LINGO2: variants seen among roughly 807,000 people sequenced by gnomAD.
LINGO2 encodes the protein leucine rich repeat and Ig domain containing 2.
In LINGO2, 14 loss-of-function variants were observed where a neutral mutation model predicts 30.6. The observed-to-expected ratio is 0.46, with a 90% CI of 0.30 to 0.72. The LOEUF (loss-of-function observed/expected upper bound fraction) is 0.72. Ranked by LOEUF, LINGO2 falls within the 30% of genes least tolerant of loss-of-function variation. The pLI, the probability that LINGO2 is intolerant of heterozygous loss-of-function variation, is 0.07. For synonymous variants in LINGO2, 317 were observed against 288.5 expected (o/e 1.10, Z -1.00); for missense variants, 729 against 751.7 (o/e 0.97, Z 0.35).
chr9:28,288,434 T>C (rs763292624), intron 4 of LINGO2, among the ~76,000 whole-genome samples: 2 of 152,210 alleles, frequency 1.3e-5, no homozygotes, highest in Non-Finnish European at 2.9e-5. Flanking sequence ...CTAACAGTTT[T>C]AACAGTCCTT....
At chr9:28,604,570 G>A (rs541775404) in intron 1 of LINGO2, among the ~76,000 whole-genome samples, 1 of 152,064 alleles carries the variant, frequency 6.6e-6, no homozygotes, top group Non-Finnish European at 1.5e-5. Context: ...AGGAAAAAGG[G>A]TGGGAAGTAT....
At chr9:28,947,785 G>A in the LINGO2 span, among the ~76,000 whole-genome samples, 1 of 151,188 alleles carries the variant, frequency 6.6e-6, no homozygotes, top group Non-Finnish European at 1.5e-5. Context: ...GTATGAAATT[G>A]GACCAACATA....
intron 1 of LINGO2, among the ~76,000 whole-genome samples, chr9:28,489,154 C>A (rs1376519787): frequency 6.6e-6 from 1 of 152,134 alleles, no homozygotes; most frequent in Non-Finnish European, 1.5e-5. Flanking sequence ...TTCCAGAATA[C>A]TGACTGAGCA....
chr9:28,732,644 A>C, the LINGO2 span, among the ~76,000 whole-genome samples: 3 of 152,324 alleles, frequency 2.0e-5, no homozygotes, highest in East Asian at 5.8e-4. Flanking sequence ...TATAATTAAA[A>C]ATCAAAATTC....
chr9:28,476,492 G>C (rs1046266235), intron 1 of LINGO2, among the ~76,000 whole-genome samples: 7 of 152,138 alleles, frequency 4.6e-5, no homozygotes, highest in African/African-American at 1.2e-4. Flanking sequence ...AGCCAGGATG[G>C]TCTCGATCTC....
the LINGO2 span, among the ~76,000 whole-genome samples, chr9:28,786,687 G>C: frequency 1.3e-5 from 2 of 152,030 alleles, no homozygotes; most frequent in African/African-American, 4.8e-5. Context: ...ACTACTGTCT[G>C]TCCTCACTCA....
chr9:28,705,237 T>C, the LINGO2 span, among the ~76,000 whole-genome samples: 1 of 152,152 alleles, frequency 6.6e-6, no homozygotes, highest in Non-Finnish European at 1.5e-5. Flanking sequence ...CTTTTCTTGA[T>C]AGACAGATAT....
chr9:28,861,099 A>C, the LINGO2 span, among the ~76,000 whole-genome samples: 2 of 120,578 alleles, frequency 1.7e-5, no homozygotes, highest in East Asian at 2.1e-4. Context: ...AATTATATAA[A>C]TATATAAAAT....
chr9:28,856,024 G>C, the LINGO2 span, among the ~76,000 whole-genome samples: 9 of 152,022 alleles, frequency 5.9e-5, no homozygotes, highest in South Asian at 6.2e-4. Flanking sequence ...TCATAAGATG[G>C]TTATTTGGAG....
chr9:28,232,490 C>T (rs762766719), intron 4 of LINGO2, among the ~76,000 whole-genome samples: 6 of 149,890 alleles, frequency 4.0e-5, no homozygotes, highest in South Asian at 4.2e-4. Flanking sequence ...GTAAAACTGT[C>T]GAAGTTAGAT....
chr9:28,250,438 A>G (rs975852659), intron 4 of LINGO2, among the ~76,000 whole-genome samples: 5 of 152,172 alleles, frequency 3.3e-5, no homozygotes, highest in African/African-American at 1.2e-4. Context: ...CTTGGAGCTT[A>G]AGAAGCAGGC....
the LINGO2 span, among the ~76,000 whole-genome samples, chr9:28,937,960 T>C: frequency 6.6e-6 from 1 of 152,116 alleles, no homozygotes; most frequent in Non-Finnish European, 1.5e-5. Flanking sequence ...CCTGAAAAGA[T>C]CCCAGTGTGT....
the LINGO2 span, among the ~76,000 whole-genome samples, chr9:28,764,456 C>G: frequency 6.6e-6 from 1 of 151,810 alleles, no homozygotes; most frequent in Admixed American, 6.6e-5. Context: ...GTTTAACATC[C>G]TTTCATGATA....
intron 1 of LINGO2, among the ~76,000 whole-genome samples, chr9:28,550,009 C>T (rs1427808773): frequency 2.6e-5 from 4 of 151,640 alleles, no homozygotes; most frequent in African/African-American, 4.8e-5. Context: ...ACTTGAATTG[C>T]CATTCATTTT....
chr9:28,611,593 C>G (rs1384924229), intron 1 of LINGO2, among the ~76,000 whole-genome samples: 1 of 152,132 alleles, frequency 6.6e-6, no homozygotes, highest in Non-Finnish European at 1.5e-5. Context: ...TCTGCTTCTA[C>G]AAACTCATCT....
chr9:28,866,923 T>C, the LINGO2 span, among the ~76,000 whole-genome samples: 41 of 152,320 alleles, frequency 2.7e-4, no homozygotes, highest in African/African-American at 8.9e-4. Context: ...TACTATAGTT[T>C]ATTTTCTAGA....
the LINGO2 span, among the ~76,000 whole-genome samples, chr9:28,724,030 C>A: frequency 6.6e-6 from 1 of 151,994 alleles, no homozygotes; most frequent in Non-Finnish European, 1.5e-5. Flanking sequence ...AATATGTACA[C>A]AATAATACAA....
chr9:28,991,920 T>A, the LINGO2 span, among the ~76,000 whole-genome samples: 2 of 152,042 alleles, frequency 1.3e-5, no homozygotes, highest in African/African-American at 4.8e-5. Flanking sequence ...CATGCCAAAT[T>A]GTAAAGACCA....
At chr9:28,049,879 A>C (rs949806037) in intron 4 of LINGO2, among the ~76,000 whole-genome samples, 2 of 150,652 alleles carry the variant, frequency 1.3e-5, no homozygotes, top group Admixed American at 6.7e-5. Context: ...AAGATTTTTA[A>C]ATCAAGAGAG....
Sources: allele counts gnomAD v4.1 joint callset (sites outside exome capture counted in the v4.1 genomes callset), GRCh38; gene constraint gnomAD v4.1.1; transcripts MANE v1.5; gene names NCBI Gene and HGNC (gene_info 2026-07-23, HGNC 2026-07-21).